The following RBFOX1 variants were observed in gnomAD, a reference collection of about 807,000 sequenced individuals.
RBFOX1 encodes the protein RNA binding fox-1 homolog 1.
RBFOX1 carries 8 observed loss-of-function variants against 57.7 expected under a neutral mutation model. The ratio of observed to expected loss-of-function variants is 0.14; its 90% CI spans 0.08 to 0.25. RBFOX1 has a LOEUF of 0.25. RBFOX1 is among the 10% of genes least tolerant of loss of function. The probability of loss-of-function intolerance (pLI) is 1.00; values close to 1 mark genes in which losing one functional copy is unlikely to be tolerated. For synonymous variants in RBFOX1, 326 were observed against 222.4 expected (o/e 1.47, Z -4.15); for missense variants, 611 against 548.5 (o/e 1.11, Z -1.14).
chr16:7,037,045 C>T (rs185421476), intron 3 of RBFOX1, among the ~76,000 whole-genome samples: 4 of 152,046 alleles, frequency 2.6e-5, no homozygotes, highest in African/African-American at 7.2e-5. Context: ...GCAGTGAGGA[C>T]AACCAGAGGT....
At chr16:7,552,838 A>G (rs183616991) in intron 5 of RBFOX1, among the ~76,000 whole-genome samples, 1 of 151,772 alleles carries the variant, frequency 6.6e-6, no homozygotes, top group East Asian at 1.9e-4. Flanking sequence ...TCCTGCCACA[A>G]CCCCCGGCTA....
chr16:6,564,485 TAAAC>T (rs1018118486), intron 2 of RBFOX1, among the ~76,000 whole-genome samples: 11 of 151,484 alleles, frequency 7.3e-5, no homozygotes, highest in Admixed American at 2.0e-4. Flanking sequence ...CAAACAAAAA[TAAAC>T]AAACAAACAC....
At chr16:7,033,696 A>G (rs765419980) in intron 3 of RBFOX1, among the ~76,000 whole-genome samples, 11 of 152,146 alleles carry the variant, frequency 7.2e-5, no homozygotes, top group Non-Finnish European at 1.0e-4. Context: ...CCTATTGAAC[A>G]GTAGAAAGAC....
intron 3 of RBFOX1, among the ~76,000 whole-genome samples, chr16:5,666,282 A>G (rs1003496274): frequency 6.6e-6 from 1 of 152,154 alleles, no homozygotes; most frequent in Admixed American, 6.5e-5. Context: ...TCATTATCCC[A>G]TTTCTGTGAC....
At chr16:5,915,084 C>G (rs1231019239) in intron 4 of RBFOX1, among the ~76,000 whole-genome samples, 2 of 152,046 alleles carry the variant, frequency 1.3e-5, no homozygotes, top group African/African-American at 4.8e-5. Context: ...GGTAGAACAC[C>G]AGGAGGTGGA....
chr16:5,622,031 A>G (rs896559073), intron 3 of RBFOX1, among the ~76,000 whole-genome samples: 3 of 152,186 alleles, frequency 2.0e-5, no homozygotes, highest in South Asian at 2.1e-4. Context: ...GGGAAATGGA[A>G]TTATCTGGGT....
At chr16:7,537,453 C>T (rs17143994) in intron 5 of RBFOX1, among the ~76,000 whole-genome samples, 11,717 of 152,184 alleles carry the variant, frequency 0.077, 570 homozygotes, top group African/African-American at 0.14. Context: ...AGTGTGTTCC[C>T]TGAGGTCATA....
intron 13 of RBFOX1, among the ~76,000 whole-genome samples, chr16:7,666,439 C>G (rs2069301569): frequency 1.3e-5 from 2 of 151,998 alleles, no homozygotes; most frequent in Admixed American, 1.3e-4. Flanking sequence ...ATTTCACAAT[C>G]ATTTAGTGAG....
intron 4 of RBFOX1, among the ~76,000 whole-genome samples, chr16:5,907,816 T>A (rs1375645464): frequency 6.6e-6 from 1 of 151,896 alleles, no homozygotes; most frequent in Non-Finnish European, 1.5e-5. Context: ...AGTGGTATGA[T>A]CTCAGCTCAC....
intron 1 of RBFOX1, among the ~76,000 whole-genome samples, chr16:5,248,707 G>T (rs994662553): frequency 2.0e-5 from 3 of 152,098 alleles, no homozygotes; most frequent in Admixed American, 2.0e-4. Flanking sequence ...TAGGACAAGA[G>T]GGCCGGGCAC....
chr16:6,682,372 C>T (rs1239380399), intron 3 of RBFOX1, among the ~76,000 whole-genome samples: 2 of 151,702 alleles, frequency 1.3e-5, no homozygotes, highest in South Asian at 2.1e-4. Flanking sequence ...CATCAGGCTT[C>T]GAAGCCGATT....
At chr16:5,839,516 G>A (rs143401657) in intron 3 of RBFOX1, among the ~76,000 whole-genome samples, 15 of 152,180 alleles carry the variant, frequency 9.9e-5, no homozygotes, top group African/African-American at 1.4e-4. Flanking sequence ...TTTATTAAGC[G>A]CTACATTAAC....
intron 2 of RBFOX1, among the ~76,000 whole-genome samples, chr16:6,644,084 C>T (rs760680049): frequency 6.6e-6 from 1 of 152,282 alleles, no homozygotes; most frequent in South Asian, 2.1e-4. Flanking sequence ...CAAGATCACC[C>T]TACTGCACTC....
At chr16:6,532,315 A>G (rs945718771) in intron 2 of RBFOX1, among the ~76,000 whole-genome samples, 6 of 152,138 alleles carry the variant, frequency 3.9e-5, no homozygotes, top group African/African-American at 1.2e-4. Context: ...CCAGTGAGCA[A>G]GTGATCTCCA....
At chr16:7,515,894 G>C (rs912279138) in intron 4 of RBFOX1, among the ~76,000 whole-genome samples, 1 of 152,114 alleles carries the variant, frequency 6.6e-6, no homozygotes, top group African/African-American at 2.4e-5. Context: ...GCCCAGGCTG[G>C]AGTGCAGTGG....
chr16:7,557,047 G>C (rs767680769), intron 5 of RBFOX1, among the ~76,000 whole-genome samples: 1 of 152,134 alleles, frequency 6.6e-6, no homozygotes, highest in Non-Finnish European at 1.5e-5. Context: ...TTTGGAGTCA[G>C]GCTTGATACA....
chr16:5,472,943 T>C (rs1254939881), intron 2 of RBFOX1, among the ~76,000 whole-genome samples: 1 of 152,164 alleles, frequency 6.6e-6, no homozygotes, highest in African/African-American at 2.4e-5. Context: ...GTCCCAAGGC[T>C]TCCCGTTGTT....
At chr16:7,460,389 ATGTGTGTGTGTGTGTGTGTGTGTGTGTG>A (rs1235047786) in intron 4 of RBFOX1, among the ~76,000 whole-genome samples, 92 of 87,020 alleles carry the variant, frequency 1.1e-3, no homozygotes, top group African/African-American at 2.2e-3. Context: ...ATATATATAT[ATGTGTGTGTGTGTGTGTGTGTGTGTGTG>A]TATATACATA....
chr16:7,692,569 T>C (rs1258649208), intron 14 of RBFOX1, among the ~76,000 whole-genome samples: 1 of 152,204 alleles, frequency 6.6e-6, no homozygotes, highest in African/African-American at 2.4e-5. Context: ...CCAACCTCAT[T>C]GTGCCATTTT....
Sources: gnomAD v4.1 joint callset for allele counts (sites outside exome capture counted in the v4.1 genomes callset) on GRCh38, gnomAD v4.1.1 for gene constraint, MANE v1.5 for transcripts, NCBI Gene and HGNC (gene_info 2026-07-23, HGNC 2026-07-21) for gene names.